CSMD1: variants seen among roughly 807,000 people sequenced by gnomAD.
The protein encoded by CSMD1 is CUB and Sushi multiple domains 1.
In CSMD1, 213 loss-of-function variants were observed where a neutral mutation model predicts 417.5. The ratio of observed to expected loss-of-function variants is 0.51; its 90% CI spans 0.46 to 0.57. The LOEUF (loss-of-function observed/expected upper bound fraction) is 0.57. Ranked by LOEUF, CSMD1 falls within the 20% of genes least tolerant of loss-of-function variation. The probability of loss-of-function intolerance (pLI) is 0.00; values close to 1 mark genes in which losing one functional copy is unlikely to be tolerated. For missense variants in CSMD1, 6,923 were observed against 4,529.7 expected, an observed-to-expected ratio of 1.53 and a Z score of -15.17; for synonymous variants, 2,862 against 1,736.8, an observed-to-expected ratio of 1.65 and a Z score of -16.11.
intron 6 of CSMD1, among the ~76,000 whole-genome samples, chr8:3,730,542 G>A (rs545059340): frequency 1.3e-5 from 2 of 152,180 alleles, no homozygotes; most frequent in South Asian, 4.1e-4. Context: ...ACAGCGAGGA[G>A]AGGAAAGTGC....
intron 5 of CSMD1, among the ~76,000 whole-genome samples, chr8:3,978,136 C>A (rs753475223): frequency 3.9e-5 from 6 of 152,084 alleles, no homozygotes; most frequent in Non-Finnish European, 7.3e-5. Flanking sequence ...CAAGCCCTGC[C>A]CTCAAGAGAA....
At chr8:4,604,130 T>C (rs1365896589) in intron 2 of CSMD1, among the ~76,000 whole-genome samples, 1 of 152,084 alleles carries the variant, frequency 6.6e-6, no homozygotes, top group African/African-American at 2.4e-5. Context: ...CACTTATGTC[T>C]GTATTCCAAA....
chr8:4,073,911 G>T (rs778834879), intron 3 of CSMD1, among the ~76,000 whole-genome samples: 17 of 151,978 alleles, frequency 1.1e-4, no homozygotes, highest in Admixed American at 3.9e-4. Context: ...ATTTCAAGTA[G>T]TCTTAATCTA....
chr8:4,389,695 T>C (rs908427073), intron 3 of CSMD1, among the ~76,000 whole-genome samples: 14 of 152,190 alleles, frequency 9.2e-5, no homozygotes, highest in African/African-American at 3.4e-4. Flanking sequence ...AAACACATTC[T>C]AAGATTTTTT....
intron 5 of CSMD1, among the ~76,000 whole-genome samples, chr8:3,768,671 T>G (rs1210198829): frequency 6.6e-6 from 1 of 152,200 alleles, no homozygotes; most frequent in Non-Finnish European, 1.5e-5. Context: ...TTTTAAGTGT[T>G]GTGTTATTGC....
At chr8:4,216,643 G>A (rs1563288753) in intron 3 of CSMD1, among the ~76,000 whole-genome samples, 1 of 152,158 alleles carries the variant, frequency 6.6e-6, no homozygotes, top group African/African-American at 2.4e-5. Flanking sequence ...ACAGCCCTGT[G>A]TTCTTTCGTA....
chr8:3,936,314 C>A (rs1188790041), intron 5 of CSMD1, among the ~76,000 whole-genome samples: 1 of 152,094 alleles, frequency 6.6e-6, no homozygotes, highest in Non-Finnish European at 1.5e-5. Context: ...CACTAAAAGG[C>A]AGATATTGAG....
chr8:3,080,372 T>C (rs921225229), intron 49 of CSMD1, among the ~76,000 whole-genome samples: 1 of 152,238 alleles, frequency 6.6e-6, no homozygotes, highest in Admixed American at 6.5e-5. Context: ...GGACAGAAGA[T>C]CTGCCTGGCT....
intron 4 of CSMD1, among the ~76,000 whole-genome samples, chr8:3,998,329 G>A (rs1815386861): frequency 6.6e-6 from 1 of 152,284 alleles, no homozygotes; most frequent in Non-Finnish European, 1.5e-5. Flanking sequence ...AATGGCCATT[G>A]CGGGAAAGAT....
chr8:4,773,754 T>A (rs555578243), intron 1 of CSMD1, among the ~76,000 whole-genome samples: 5 of 152,204 alleles, frequency 3.3e-5, no homozygotes, highest in Non-Finnish European at 5.9e-5. Context: ...AATACTGATA[T>A]AATCATATTA....
intron 12 of CSMD1, among the ~76,000 whole-genome samples, chr8:3,428,102 C>G (rs903516045): frequency 6.6e-6 from 1 of 152,178 alleles, no homozygotes; most frequent in African/African-American, 2.4e-5. Context: ...ATTCTTACAG[C>G]ACCTGAAATT....
intron 2 of CSMD1, among the ~76,000 whole-genome samples, chr8:4,611,863 C>T (rs1029987105): frequency 1.3e-5 from 2 of 152,172 alleles, no homozygotes; most frequent in Non-Finnish European, 2.9e-5. Flanking sequence ...GAAGTGCCTG[C>T]CACCTTCATA....
chr8:4,786,429 C>T (rs1226704801), intron 1 of CSMD1, among the ~76,000 whole-genome samples: 1 of 152,210 alleles, frequency 6.6e-6, no homozygotes, highest in Non-Finnish European at 1.5e-5. Flanking sequence ...AATGTGGCAT[C>T]TCCAGCATTC....
chr8:4,546,129 T>A (rs1797620034), intron 2 of CSMD1, among the ~76,000 whole-genome samples: 1 of 152,178 alleles, frequency 6.6e-6, no homozygotes, highest in African/African-American at 2.4e-5. Flanking sequence ...CTTCAGCTCA[T>A]CAGAGGCTTC....
rs140743152 is a variant in CSMD1, at chr8:4,147,561, G to A, written c.416-115462C>T. On this transcript the variant is annotated intron_variant, in intron 3 of 69. Transcript: ENST00000635120. ...ATTTTAATTAGTCATGTATAAACCT[G>A]TTTCTGGATAATGATAATGACCCTA... Among the ~76,000 whole-genome samples, 300 of 152,260 alleles carry A rather than the reference G, an allele frequency of 2.0e-3. 1 individual carries two copies. The highest frequency in any genetic ancestry group is 6.4e-3 in the African/African-American group (267 of 41,552).
chr8:3,539,177 T>G (rs929087045), intron 10 of CSMD1, among the ~76,000 whole-genome samples: 1 of 152,150 alleles, frequency 6.6e-6, no homozygotes, highest in African/African-American at 2.4e-5. Flanking sequence ...GCAGGGCTCT[T>G]GCATTTGCTG....
chr8:4,768,642 G>A (rs10503278), intron 1 of CSMD1, among the ~76,000 whole-genome samples: 13,403 of 152,118 alleles, frequency 0.088, 741 homozygotes, highest in Non-Finnish European at 0.12. Flanking sequence ...GGTGATACCC[G>A]CAAAGTACAG....
intron 10 of CSMD1, among the ~76,000 whole-genome samples, chr8:3,501,512 T>A (rs1796599715): frequency 6.6e-6 from 1 of 152,190 alleles, no homozygotes; most frequent in Non-Finnish European, 1.5e-5. Context: ...CCCTACATCT[T>A]GGAATAAGAT....
chr8:4,232,098 C>G (rs1443573574), intron 3 of CSMD1, among the ~76,000 whole-genome samples: 1 of 152,196 alleles, frequency 6.6e-6, no homozygotes, highest in African/African-American at 2.4e-5. Context: ...TGATCACATT[C>G]ATGCTTCTGA....
Sources: allele counts gnomAD v4.1 joint callset (sites outside exome capture counted in the v4.1 genomes callset), GRCh38; gene constraint gnomAD v4.1.1; transcripts MANE v1.5; gene names NCBI Gene and HGNC (gene_info 2026-07-23, HGNC 2026-07-21).